The following CTIF variants were observed in gnomAD, a reference collection of about 807,000 sequenced individuals.
CTIF encodes cap binding complex dependent translation initiation factor.
Under a neutral mutation model 66.0 loss-of-function variants are expected in CTIF, and 21 were observed. That is an observed-to-expected ratio of 0.32 (90% confidence interval 0.23 to 0.46). The LOEUF is 0.46. Ranked by LOEUF, CTIF falls within the 20% of genes least tolerant of loss-of-function variation. CTIF has a pLI of 1.00. For synonymous variants in CTIF, 345 were observed against 326.4 expected, an observed-to-expected ratio of 1.06 and a Z score of -0.62; for missense variants, 739 against 812.7, an observed-to-expected ratio of 0.91 and a Z score of 1.10.
intron 6 of CTIF, among the ~76,000 whole-genome samples, chr18:48,695,053 A>G (rs954410598): frequency 2.6e-5 from 4 of 152,350 alleles, no homozygotes; most frequent in South Asian, 2.1e-4. Flanking sequence ...GAGATCTATT[A>G]TCTTCTTCTG....
chr18:48,655,297 T>TA (rs35564462), intron 3 of CTIF, among the ~76,000 whole-genome samples: 1,715 of 106,078 alleles, frequency 0.016, 37 homozygotes, highest in African/African-American at 0.063. Context: ...AGAGCAAGAC[T>TA]AAAAAAAAAA....
At chr18:48,566,586 C>T (rs1232652122) in intron 1 of CTIF, 1 of 152,224 alleles carries the variant, frequency 6.6e-6, no homozygotes, top group Non-Finnish European at 1.5e-5. Context: ...AGTCATGAAT[C>T]CAAGGTCCTG....
chr18:48,553,229 G>A (rs551457787), intron 1 of CTIF, among the ~76,000 whole-genome samples: 1 of 152,332 alleles, frequency 6.6e-6, no homozygotes, highest in East Asian at 1.9e-4. Context: ...GTCCACAAAA[G>A]CGTGTGGGGA....
rs879528280 is a variant in CTIF, at chr18:48,654,280, GA to G, written c.253-9464del. ...ACAAAGAACTTAAACAAATTTACAAGAAAAAAAACAACCCCATCAAAAAATG... is the reference window on the plus strand; with the variant it reads ...ACAAAGAACTTAAACAAATTTACAAGAAAAAAACAACCCCATCAAAAAATG... On this transcript the variant is annotated intron_variant, in intron 3 of 11. Coordinates refer to ENST00000256413, the MANE Select transcript of CTIF (RefSeq NM_014772.3). Among the ~76,000 whole-genome samples, 386 of 151,588 alleles carry G rather than the reference GA, an allele frequency of 2.5e-3. 1 individual carries two copies. Among genetic ancestry groups the G allele is most frequent in the Middle Eastern group, 0.017 (5 of 294 alleles).
intron 9 of CTIF, among the ~76,000 whole-genome samples, chr18:48,778,504 G>A (rs902562270): frequency 6.6e-6 from 1 of 152,208 alleles, no homozygotes; most frequent in African/African-American, 2.4e-5. Context: ...CTCATCCGGG[G>A]TTTGTACCAG....
At chr18:48,729,285 C>CCA (rs981323859) in intron 7 of CTIF, among the ~76,000 whole-genome samples, 1 of 152,162 alleles carries the variant, frequency 6.6e-6, no homozygotes, top group Non-Finnish European at 1.5e-5. Flanking sequence ...ACCACCACTA[C>CCA]CACACACACA....
At chr18:48,805,973 C>G (rs1433421761) in intron 9 of CTIF, among the ~76,000 whole-genome samples, 1 of 152,186 alleles carries the variant, frequency 6.6e-6, no homozygotes, top group Non-Finnish European at 1.5e-5. Context: ...AAACAGGATT[C>G]CTGCCTTCAG....
intron 6 of CTIF, among the ~76,000 whole-genome samples, chr18:48,697,405 T>C (rs181687260): frequency 1.6e-4 from 24 of 152,326 alleles, no homozygotes; most frequent in African/African-American, 5.8e-4. Flanking sequence ...GGATTCCTTC[T>C]CATGGGAACT....
chr18:48,701,323 T>C (rs1017339176), intron 6 of CTIF, among the ~76,000 whole-genome samples: 1 of 152,202 alleles, frequency 6.6e-6, no homozygotes, highest in African/African-American at 2.4e-5. Context: ...TTAATAGATA[T>C]CCATTATCCA....
At chr18:48,607,259 G>A (rs956369982) in intron 1 of CTIF, among the ~76,000 whole-genome samples, 1 of 152,194 alleles carries the variant, frequency 6.6e-6, no homozygotes, top group Non-Finnish European at 1.5e-5. Context: ...CCTGTGGTTC[G>A]TAGAGAATTC....
chr18:48,862,239 T>C lies in CTIF; in HGVS notation c.*2680T>C, dbSNP rs1470503618. 6.6e-6 allele frequency: 1 copy of C among 152,212 alleles called. No homozygotes were observed. The highest frequency in any genetic ancestry group is 1.5e-5 in the Non-Finnish European group (1 of 68,044). The allele number at this position is 152,212 out of a possible 1,614,324, so 9.4% of individuals were successfully genotyped here. On this transcript the variant is annotated 3_prime_UTR_variant, in exon 12 of 12. Coordinates refer to ENST00000256413, the MANE Select transcript of CTIF (RefSeq NM_014772.3). ...GCGTCCGAGTTGACCTCTGAATGTA[T>C]GTGATGAGAGGCAGAGCTGGATATT...
In CTIF at chr18:48,817,205, T is replaced by C; in HGVS notation, c.1372-16T>C. On this transcript the variant is annotated splice_polypyrimidine_tract_variant and intron_variant, in intron 9 of 11. Transcript: ENST00000256413. Reference sequence around the variant, plus strand: ...CCAGCCCCGGGAGGCTGACGCGGTCTCTCATGCCTCCACAGAAGGACTTCA... The same window carrying C: ...CCAGCCCCGGGAGGCTGACGCGGTCCCTCATGCCTCCACAGAAGGACTTCA... 2.5e-6 allele frequency: 4 copies of C among 1,610,942 alleles called. No homozygotes were observed. Among genetic ancestry groups the C allele is most frequent in the Non-Finnish European group, 3.4e-6 (4 of 1,178,466 alleles).
intron 9 of CTIF, among the ~76,000 whole-genome samples, chr18:48,788,385 A>G (rs1911910102): frequency 6.6e-6 from 1 of 152,156 alleles, no homozygotes; most frequent in Non-Finnish European, 1.5e-5. Context: ...GACTCCTAGG[A>G]GAGCTTTGGG....
At chr18:48,785,301 A>C (rs1252042568) in intron 9 of CTIF, among the ~76,000 whole-genome samples, 1 of 152,216 alleles carries the variant, frequency 6.6e-6, no homozygotes, top group Non-Finnish European at 1.5e-5. Context: ...GGTTGCTCTA[A>C]GTGGCTACAA....
chr18:48,679,886 T>C (rs1002861550), intron 6 of CTIF, among the ~76,000 whole-genome samples: 3 of 151,866 alleles, frequency 2.0e-5, no homozygotes, highest in Non-Finnish European at 2.9e-5. Flanking sequence ...GAGGGACCTA[T>C]GGGGAGAAAG....
intron 10 of CTIF, among the ~76,000 whole-genome samples, chr18:48,837,982 C>CG (rs1323631419): frequency 1.3e-5 from 2 of 152,172 alleles, no homozygotes; most frequent in African/African-American, 4.8e-5. Context: ...AATGCCAGAA[C>CG]GGGGGCACAC....
chr18:48,720,189 A>C (rs1263190301), intron 7 of CTIF, among the ~76,000 whole-genome samples: 6 of 152,316 alleles, frequency 3.9e-5, no homozygotes, highest in Middle Eastern at 3.4e-3. Flanking sequence ...AAGATAAAGA[A>C]GTATGTTGTA....
chr18:48,766,955 C>T (rs142120737), intron 9 of CTIF, among the ~76,000 whole-genome samples: 28 of 152,334 alleles, frequency 1.8e-4, no homozygotes, highest in African/African-American at 5.8e-4. Context: ...GGATGTGTGT[C>T]GGAACAGCTA....
intron 1 of CTIF, among the ~76,000 whole-genome samples, chr18:48,553,273 T>G (rs2145555274): frequency 6.6e-6 from 1 of 152,290 alleles, no homozygotes; most frequent in South Asian, 2.1e-4. Flanking sequence ...CACTGTGATT[T>G]CCTCCTCTAG....
Sources: gnomAD v4.1 joint callset for allele counts (sites outside exome capture counted in the v4.1 genomes callset) on GRCh38, gnomAD v4.1.1 for gene constraint, MANE v1.5 for transcripts, NCBI Gene and HGNC (gene_info 2026-07-23, HGNC 2026-07-21) for gene names.